PLD1: variants seen among roughly 807,000 people sequenced by gnomAD.
PLD1 encodes phospholipase D1, also known as choline phosphatase 1.
PLD1 carries 112 observed loss-of-function variants against 137.1 expected under a neutral mutation model. That is an observed-to-expected ratio of 0.82 (90% CI 0.70 to 0.96). The LOEUF (loss-of-function observed/expected upper bound fraction) is 0.96, where lower values mean the gene tolerates loss of function less well. PLD1 is among the 40% of genes least tolerant of loss of function. The probability of loss-of-function intolerance (pLI) is 0.00; values close to 1 mark genes in which losing one functional copy is unlikely to be tolerated. For missense variants in PLD1, 1,321 were observed against 1,342.0 expected, an observed-to-expected ratio of 0.98 and a Z score of 0.24; for synonymous variants, 431 against 454.7, an observed-to-expected ratio of 0.95 and a Z score of 0.66.
chr3:171,622,646 T>G (rs1733734252), intron 23 of PLD1, among the ~76,000 whole-genome samples: 1 of 150,982 alleles, frequency 6.6e-6, no homozygotes, highest in South Asian at 2.1e-4. Context: ...ATATAATATA[T>G]GTATTATATA....
chr3:171,608,687 G>A (rs1003286870), intron 25 of PLD1, among the ~76,000 whole-genome samples: 6 of 152,118 alleles, frequency 3.9e-5, no homozygotes, highest in Admixed American at 2.0e-4. Context: ...ACTACGTATC[G>A]TAAGGTTCCA....
chr3:171,765,072 AG>A (rs1721885908), intron 1 of PLD1: 1 of 152,158 alleles, frequency 6.6e-6, no homozygotes, highest in Non-Finnish European at 1.5e-5. Flanking sequence ...AGAGGTAGGG[AG>A]GATGGGTACA....
rs1218993025 is a variant in PLD1, at chr3:171,600,422, T to C, written c.*2656A>G. 1 of 152,212 alleles carries C rather than the reference T, an allele frequency of 6.6e-6. No homozygotes were observed. Among genetic ancestry groups the C allele is most frequent in the African/African-American group, 2.4e-5 (1 of 41,456 alleles). 9.4% of individuals were successfully genotyped at this position (152,212 alleles called of 1,614,324 possible). ...CAGGATGTCAGGTATATAGCATTTA[T>C]AGGCATTTCAAAATAGTCACTTTGA... On this transcript the variant is annotated 3_prime_UTR_variant, in exon 27 of 27. Coordinates refer to ENST00000351298, the MANE Select transcript of PLD1 (RefSeq NM_002662.5).
chr3:171,747,136 A>G (rs1310542209), intron 1 of PLD1, among the ~76,000 whole-genome samples: 2 of 152,204 alleles, frequency 1.3e-5, no homozygotes, highest in African/African-American at 4.8e-5. Context: ...ACCAGAAGGA[A>G]GAAACTCCAA....
intron 24 of PLD1, among the ~76,000 whole-genome samples, chr3:171,619,021 C>T (rs1733363939): frequency 6.6e-6 from 1 of 152,082 alleles, no homozygotes; most frequent in Admixed American, 6.6e-5. Flanking sequence ...GAATAGAAAG[C>T]ATATTTATTG....
chr3:171,734,005 G>C (rs1177692533), intron 5 of PLD1, among the ~76,000 whole-genome samples: 3 of 152,194 alleles, frequency 2.0e-5, no homozygotes, highest in Non-Finnish European at 4.4e-5. Context: ...CAGCAGGGGA[G>C]TAGAGGGATA....
rs770224882 is a variant in PLD1, at chr3:171,734,863, A to T, written c.540+2T>A. 3 of 1,573,800 alleles carry T rather than the reference A, an allele frequency of 1.9e-6. No homozygotes were observed. Among genetic ancestry groups the T allele is most frequent in the Admixed American group, 3.3e-5 (2 of 59,834 alleles). ...AAACCACAGAATAGTGAAGAAACTT[A>T]CTCTTCTACCAAGGAATTGTTCTTC... is the stretch of plus-strand genomic sequence containing the variant. On this transcript the variant is annotated splice_donor_variant, in intron 5 of 26. Transcript: ENST00000351298. LOFTEE classifies it high-confidence loss of function.
chr3:171,746,181 G>A (rs575719637), intron 1 of PLD1, among the ~76,000 whole-genome samples: 15 of 152,160 alleles, frequency 9.9e-5, no homozygotes, highest in Admixed American at 9.2e-4. Context: ...GCGGGCTCCC[G>A]CACAGCCGGA....
chr3:171,734,860 CT>C lies in PLD1; in HGVS notation c.540+4del. The C allele has an allele frequency of 6.4e-7, 1 of 1,565,022 alleles. No homozygotes were observed. Among genetic ancestry groups the C allele is most frequent in the Non-Finnish European group, 8.8e-7 (1 of 1,135,646 alleles). The stretch of plus-strand genomic sequence containing the variant: ...TTAAAACCACAGAATAGTGAAGAAA[CT>C]TACTCTTCTACCAAGGAATTGTTCT... On this transcript the variant is annotated splice_donor_region_variant and intron_variant, in intron 5 of 26. Transcript: ENST00000351298.
At chr3:171,630,961 A>G (rs189019585) in intron 23 of PLD1, among the ~76,000 whole-genome samples, 2,200 of 151,920 alleles carry the variant, frequency 0.014, 24 homozygotes, top group Middle Eastern at 0.024. Context: ...ACATGTATAC[A>G]TATGTAACTA....
rs1179971958 is a variant in PLD1 at position 171,713,918 on chromosome 3, C to T, written c.886G>A (p.Gly296Arg). The T allele has an allele frequency of 1.9e-6, 3 of 1,612,882 alleles. No individual in the cohort carries two copies. Among genetic ancestry groups the T allele is most frequent in the South Asian group, 1.1e-5 (1 of 90,996 alleles). Reference protein sequence around the residue: ...VGKKETETKYGIRIDNLSRTL... With the variant: ...VGKKETETKYRIRIDNLSRTL... Reference sequence around the variant, plus strand: ...CTTGAAAGATTATCAATTCGGATTCCATATTTCGTTTCTGTCTCCTTCTTC... The same window carrying T: ...CTTGAAAGATTATCAATTCGGATTCTATATTTCGTTTCTGTCTCCTTCTTC... Residue 296 changes from glycine (G) to arginine (R), a missense_variant, in exon 9 of 27, where the codon GGA (glycine) becomes AGA (arginine). Transcript: ENST00000351298.
rs1716978745 is a variant in PLD1 at position 171,709,557 on chromosome 3, T to C, written c.1061+3A>G. On this transcript the variant is annotated splice_donor_region_variant and intron_variant, in intron 10 of 26. Transcript: ENST00000351298. ...TGACAGGCTTAGAGAAATAATAACT[T>C]ACCATTTAGCTAAAGCATTCTCTTG... is the stretch of plus-strand genomic sequence containing the variant. 1 of 1,613,354 alleles carries C rather than the reference T, an allele frequency of 6.2e-7. No homozygotes were observed. Among genetic ancestry groups the C allele is most frequent in the South Asian group, 1.1e-5 (1 of 90,954 alleles).
chr3:171,666,419 G>A (rs1226949119), intron 19 of PLD1: 4 of 152,170 alleles, frequency 2.6e-5, no homozygotes, highest in East Asian at 3.9e-4. Context: ...AGAACAGCAC[G>A]GGAAAGACCT....
intron 23 of PLD1, among the ~76,000 whole-genome samples, chr3:171,625,084 A>C (rs937626550): frequency 4.1e-4 from 63 of 152,258 alleles, no homozygotes; most frequent in African/African-American, 1.5e-3. Context: ...AAACCCTGAG[A>C]GTTCCCCTTC....
At chr3:171,647,970 A>G (rs1736406857) in intron 21 of PLD1, among the ~76,000 whole-genome samples, 1 of 152,106 alleles carries the variant, frequency 6.6e-6, no homozygotes, top group Non-Finnish European at 1.5e-5. Flanking sequence ...GAATCATACA[A>G]TACTTGTCCT....
At chr3:171,781,243 TA>T (rs71178238) in intron 1 of PLD1, among the ~76,000 whole-genome samples, 120,004 of 148,444 alleles carry the variant, frequency 0.81, 48,723 homozygotes, top group Middle Eastern at 0.95. Context: ...CAAATGATGG[TA>T]AAAAAAAAAA....
At chr3:171,805,758 TTA>T (rs563404886) in intron 1 of PLD1, among the ~76,000 whole-genome samples, 125 of 152,192 alleles carry the variant, frequency 8.2e-4, no homozygotes, top group African/African-American at 2.9e-3. Context: ...GAATCACAGG[TTA>T]TGTTTTTTTC....
At chr3:171,771,987 T>C (rs921825485) in intron 1 of PLD1, among the ~76,000 whole-genome samples, 1 of 152,240 alleles carries the variant, frequency 6.6e-6, no homozygotes, top group Non-Finnish European at 1.5e-5. Context: ...TCTTTTAACA[T>C]GGATCTTTAA....
intron 6 of PLD1, among the ~76,000 whole-genome samples, chr3:171,726,392 C>T (rs1718510338): frequency 6.6e-6 from 1 of 151,942 alleles, no homozygotes; most frequent in South Asian, 2.1e-4. Flanking sequence ...GTTTTTGTTG[C>T]ACGGGATGGA....
Sources: allele counts gnomAD v4.1 joint callset (sites outside exome capture counted in the v4.1 genomes callset), GRCh38; gene constraint gnomAD v4.1.1; transcripts MANE v1.5; gene names NCBI Gene and HGNC (gene_info 2026-07-23, HGNC 2026-07-21).